The following ATL2 variants were observed in gnomAD, a reference collection of about 807,000 sequenced individuals.
ATL2 encodes the protein atlastin-2.
In ATL2, 31 loss-of-function variants were observed where a neutral mutation model predicts 73.9. The ratio of observed to expected loss-of-function variants is 0.42; its 90% CI spans 0.32 to 0.57. The LOEUF (loss-of-function observed/expected upper bound fraction) is 0.57. Ranked by LOEUF, ATL2 falls within the 20% of genes least tolerant of loss-of-function variation. The pLI is 0.14. For missense variants in ATL2, 738 were observed against 702.6 expected (o/e 1.05, Z -0.57); for synonymous variants, 291 against 237.5 (o/e 1.23, Z -2.07).
intron 2 of ATL2, among the ~76,000 whole-genome samples, chr2:38,336,249 G>A (rs551234646): frequency 3.9e-5 from 6 of 152,152 alleles, no homozygotes; most frequent in Non-Finnish European, 7.3e-5. Context: ...TTGTGCTTGT[G>A]GCAAGTTATA....
At chr2:38,369,754 T>C (rs573888055) in intron 1 of ATL2, among the ~76,000 whole-genome samples, 65 of 151,990 alleles carry the variant, frequency 4.3e-4, no homozygotes, top group Non-Finnish European at 7.7e-4. Context: ...AAAGTGCTGA[T>C]AAAAAGAAAA....
At chr2:38,376,628 G>A (rs992682966) in intron 1 of ATL2, 2 of 153,290 alleles carry the variant, frequency 1.3e-5, no homozygotes, top group East Asian at 1.9e-4. Context: ...CGGCAGCAAG[G>A]TGTCTGCTCC....
At chr2:38,377,321 C>G (rs938314781), upstream of ATL2, 50 of 1,430,142 alleles carry the variant, frequency 3.5e-5, no homozygotes, top group Non-Finnish European at 4.4e-5. Context: ...CTTTATCAAC[C>G]TCCCGGGAGC....
intron 1 of ATL2, among the ~76,000 whole-genome samples, chr2:38,364,718 A>G (rs758927523): frequency 1.3e-5 from 2 of 152,228 alleles, no homozygotes; most frequent in Non-Finnish European, 2.9e-5. Flanking sequence ...TGACTCAGGC[A>G]TATAGTTTAA....
At position 38,300,251 on chromosome 2, in the gene ATL2, T is replaced by C. The variant is rs1352242313; in HGVS notation, c.1128+21A>G. The C allele has an allele frequency of 2.6e-6, 4 of 1,562,094 alleles. No homozygotes were observed. In the East Asian group the frequency reaches 9.0e-5, roughly 35 times the overall value. On this transcript the variant is annotated intron_variant, in intron 10 of 12. Coordinates refer to ENST00000378954, the MANE Select transcript of ATL2 (RefSeq NM_001135673.4). ...CATAAATAAGTATATGTACAACACA[T>C]ATCACTCTCTCTCTCTCTACCTGAA...
chr2:38,334,864 T>TATAA (rs1669216376), intron 2 of ATL2, among the ~76,000 whole-genome samples: 1 of 34,732 alleles, frequency 2.9e-5, no homozygotes, highest in Non-Finnish European at 7.9e-5. Context: ...TATTTATATA[T>TATAA]TATATAATAT....
At chr2:38,353,562 G>T (rs912062133) in intron 1 of ATL2, among the ~76,000 whole-genome samples, 11 of 152,184 alleles carry the variant, frequency 7.2e-5, no homozygotes, top group African/African-American at 2.7e-4. Context: ...ACCAAAATTT[G>T]ATGACAGAGA....
chr2:38,298,638 T>G (rs548103631), intron 11 of ATL2, 63 bp from the exon 12 acceptor site: 33 of 1,519,286 alleles, frequency 2.2e-5, no homozygotes, highest in Non-Finnish European at 8.9e-7. Context: ...GAAGTTCCTG[T>G]TCATAGTTTT....
At chr2:38,318,469 A>G (rs530357155) in intron 4 of ATL2, 66 bp downstream of exon 4, 167 of 1,286,816 alleles carry the variant, frequency 1.3e-4, no homozygotes, top group Non-Finnish European at 1.7e-4. Flanking sequence ...TCTGTCTCAA[A>G]AAAGAAAAAA....
chr2:38,296,985 T>C (rs930095143), intron 12 of ATL2, among the ~76,000 whole-genome samples: 3 of 152,204 alleles, frequency 2.0e-5, no homozygotes, highest in African/African-American at 7.2e-5. Flanking sequence ...TTCTTAAAAG[T>C]GAAGTTGCGA....
intron 2 of ATL2, among the ~76,000 whole-genome samples, chr2:38,327,566 A>G (rs575467191): frequency 4.0e-5 from 6 of 151,858 alleles, no homozygotes; most frequent in Admixed American, 2.6e-4. Flanking sequence ...ACACCAGAAA[A>G]CAATTATAAG....
chr2:38,336,182 C>A (rs1305994897), intron 2 of ATL2, among the ~76,000 whole-genome samples: 2 of 152,146 alleles, frequency 1.3e-5, no homozygotes, highest in East Asian at 3.8e-4. Context: ...ACACTGTTAT[C>A]CTTAAAGAGG....
In ATL2 at chr2:38,319,139, C is replaced by G; in HGVS notation, c.364-120G>C. The G allele has an allele frequency of 2.8e-6, 3 of 1,078,112 alleles. No homozygotes were observed. The South Asian group carries it at 4.6e-5, about 16-fold the overall frequency. 66.8% of individuals were successfully genotyped at this position (1,078,112 alleles called of 1,614,324 possible). On this transcript the variant is annotated intron_variant, in intron 2 of 12. Transcript: ENST00000378954. ...TAAACCCGGAAAGACAAAAAAAACA[C>G]TGTGTAACAAACAAGTAGTTACAAA...
At chr2:38,376,731 G>A (rs576250214) in intron 1 of ATL2, 26 of 152,380 alleles carry the variant, frequency 1.7e-4, no homozygotes, top group African/African-American at 6.3e-4. Flanking sequence ...ACCAGCTAAC[G>A]GGTCGCCCCG....
chr2:38,354,340 A>G (rs972576012), intron 1 of ATL2, among the ~76,000 whole-genome samples: 4 of 152,196 alleles, frequency 2.6e-5, no homozygotes, highest in African/African-American at 9.7e-5. Context: ...CAAATATAAA[A>G]GACTGGTTCT....
chr2:38,314,981 C>T (rs1410467765), intron 5 of ATL2, among the ~76,000 whole-genome samples: 4 of 152,208 alleles, frequency 2.6e-5, no homozygotes, highest in African/African-American at 9.6e-5. Flanking sequence ...ACGGGCGCAG[C>T]GGCTCACGCC....
intron 2 of ATL2, among the ~76,000 whole-genome samples, chr2:38,325,649 C>CCAGT (rs1668567378): frequency 1.2e-5 from 1 of 81,470 alleles, no homozygotes; most frequent in Non-Finnish European, 2.5e-5. Context: ...CACACACACA[C>CCAGT]ACACACACCA....
chr2:38,336,618 T>A (rs1020072187), intron 2 of ATL2, among the ~76,000 whole-genome samples: 3 of 152,216 alleles, frequency 2.0e-5, no homozygotes, highest in Non-Finnish European at 4.4e-5. Flanking sequence ...TGTAGATATA[T>A]GGGAAAATGA....
At chr2:38,357,272 G>C (rs899227287) in intron 1 of ATL2, among the ~76,000 whole-genome samples, 5 of 152,128 alleles carry the variant, frequency 3.3e-5, no homozygotes, top group African/African-American at 1.2e-4. Flanking sequence ...AGGTTGCAGA[G>C]AGCCAAGATC....
Sources: gnomAD v4.1 joint callset for allele counts (sites outside exome capture counted in the v4.1 genomes callset) on GRCh38, gnomAD v4.1.1 for gene constraint, MANE v1.5 for transcripts, NCBI Gene and HGNC (gene_info 2026-07-23, HGNC 2026-07-21) for gene names.